SLC24A2: variants seen among roughly 807,000 people sequenced by gnomAD.
SLC24A2 encodes the protein solute carrier family 24 member 2, also known as sodium/potassium/calcium exchanger 2.
SLC24A2 carries 36 observed loss-of-function variants against 62.0 expected under a neutral mutation model. The observed-to-expected ratio is 0.58, with a 90% CI of 0.44 to 0.77. The LOEUF (loss-of-function observed/expected upper bound fraction) is 0.77. Ranked by LOEUF, SLC24A2 falls within the 30% of genes least tolerant of loss-of-function variation. SLC24A2 has a pLI of 0.00. For missense variants in SLC24A2, 846 were observed against 817.9 expected (o/e 1.03, Z -0.42); for synonymous variants, 358 against 294.0 (o/e 1.22, Z -2.23).
chr9:20,198,451 T>C, the SLC24A2 span, among the ~76,000 whole-genome samples: 1 of 152,176 alleles, frequency 6.6e-6, no homozygotes, highest in Non-Finnish European at 1.5e-5. Flanking sequence ...CAGACTGTAT[T>C]CGCCCTTTAA....
At chr9:19,955,495 G>C in the SLC24A2 span, among the ~76,000 whole-genome samples, 1 of 151,330 alleles carries the variant, frequency 6.6e-6, no homozygotes, top group Admixed American at 6.6e-5. Context: ...GATAATTTTA[G>C]ACTCTAAGAT....
intron 8 of SLC24A2, among the ~76,000 whole-genome samples, chr9:19,539,425 G>A (rs201478057): frequency 1.5e-4 from 23 of 151,538 alleles, no homozygotes; most frequent in East Asian, 5.8e-4. Flanking sequence ...CGCTGGTTTC[G>A]AAGAACATCT....
chr9:19,772,268 G>T (rs1822712222), intron 2 of SLC24A2, among the ~76,000 whole-genome samples: 1 of 152,088 alleles, frequency 6.6e-6, no homozygotes, highest in African/African-American at 2.4e-5. Flanking sequence ...TTAGCTTCAG[G>T]GGAACAATCT....
intron 2 of SLC24A2, among the ~76,000 whole-genome samples, chr9:19,737,520 C>T (rs966329479): frequency 1.1e-4 from 16 of 151,922 alleles, no homozygotes; most frequent in African/African-American, 3.9e-4. Context: ...TATCTCGTTA[C>T]AATAAGATAT....
At chr9:20,263,124 T>G in the SLC24A2 span, among the ~76,000 whole-genome samples, 3 of 152,226 alleles carry the variant, frequency 2.0e-5, no homozygotes, top group Admixed American at 6.5e-5. Flanking sequence ...CTAACCCATT[T>G]CAAAACTCAT....
the SLC24A2 span, among the ~76,000 whole-genome samples, chr9:19,971,580 T>C: frequency 3.9e-5 from 6 of 152,126 alleles, no homozygotes; most frequent in South Asian, 2.1e-4. Context: ...CAAGTAGAAA[T>C]TGAATCTGAC....
the SLC24A2 span, among the ~76,000 whole-genome samples, chr9:20,054,275 T>A: frequency 6.6e-6 from 1 of 152,172 alleles, no homozygotes; most frequent in African/African-American, 2.4e-5. Context: ...CACTGCAACC[T>A]CTGCCTCCTG....
the SLC24A2 span, among the ~76,000 whole-genome samples, chr9:19,910,783 CT>C: frequency 6.6e-6 from 1 of 152,034 alleles, no homozygotes; most frequent in Admixed American, 6.6e-5. Context: ...CCAGAGAATC[CT>C]TCCTGGAGGG....
At chr9:19,609,551 T>C (rs983539384) in intron 4 of SLC24A2, among the ~76,000 whole-genome samples, 1 of 152,268 alleles carries the variant, frequency 6.6e-6, no homozygotes, top group Non-Finnish European at 1.5e-5. Context: ...ATCTTTATAA[T>C]AGCATTTATT....
the SLC24A2 span, among the ~76,000 whole-genome samples, chr9:20,267,806 A>G: frequency 6.6e-6 from 1 of 152,242 alleles, no homozygotes; most frequent in African/African-American, 2.4e-5. Context: ...GTATCTATAA[A>G]GGGCCTGGTT....
At chr9:19,977,065 G>A in the SLC24A2 span, among the ~76,000 whole-genome samples, 1 of 151,652 alleles carries the variant, frequency 6.6e-6, no homozygotes, top group Non-Finnish European at 1.5e-5. Flanking sequence ...CATAAAATAA[G>A]TTTTTGTGAC....
chr9:19,520,039 T>C (rs1219201612), intron 10 of SLC24A2, among the ~76,000 whole-genome samples: 6 of 152,150 alleles, frequency 3.9e-5, no homozygotes, highest in African/African-American at 1.2e-4. Context: ...GAGAAAAACA[T>C]ACACACAGTG....
At chr9:20,259,578 G>C in the SLC24A2 span, among the ~76,000 whole-genome samples, 10 of 152,056 alleles carry the variant, frequency 6.6e-5, no homozygotes, top group African/African-American at 2.4e-4. Context: ...CCTACTGTTT[G>C]GGACAGAGTC....
At chr9:20,059,048 TATGAG>T in the SLC24A2 span, among the ~76,000 whole-genome samples, 1 of 152,226 alleles carries the variant, frequency 6.6e-6, no homozygotes, top group African/African-American at 2.4e-5. Flanking sequence ...ATATAGTTAA[TATGAG>T]AGGCTGAATA....
chr9:19,923,883 G>T, the SLC24A2 span, among the ~76,000 whole-genome samples: 2 of 152,160 alleles, frequency 1.3e-5, no homozygotes, highest in Non-Finnish European at 2.9e-5. Flanking sequence ...GAGTAGCTGG[G>T]ATTACAGGTG....
chr9:19,636,930 A>G (rs1818373475), intron 2 of SLC24A2, among the ~76,000 whole-genome samples: 1 of 152,210 alleles, frequency 6.6e-6, no homozygotes, highest in Non-Finnish European at 1.5e-5. Flanking sequence ...TAAGTCTTTC[A>G]AAATACCCTT....
At chr9:19,820,060 T>TATAC in the SLC24A2 span, among the ~76,000 whole-genome samples, 11 of 112,904 alleles carry the variant, frequency 9.7e-5, 2 homozygotes, top group African/African-American at 2.4e-4. Flanking sequence ...TATATACACA[T>TATAC]ATATATATAT....
In SLC24A2 at chr9:19,515,039, T is replaced by C. The variant is rs1368986613; in HGVS notation, c.*1114A>G. ...AGCACCTTTACTGGATGACTTCTTA[T>C]TGCACATCTAGGCTCTCTTGGCAGC... On this transcript the variant is annotated 3_prime_UTR_variant, in exon 11 of 11. Transcript: ENST00000341998. The C allele has an allele frequency of 6.6e-6, 1 of 152,214 alleles. No individual in the cohort carries two copies. Among genetic ancestry groups the C allele is most frequent in the Non-Finnish European group, 1.5e-5 (1 of 68,034 alleles). 9.4% of individuals were successfully genotyped at this position (152,214 alleles called of 1,614,324 possible). A position where few individuals can be genotyped will look rare whatever the true frequency, so the allele number is the denominator to read the frequency against.
At chr9:19,973,195 C>G in the SLC24A2 span, among the ~76,000 whole-genome samples, 1 of 152,136 alleles carries the variant, frequency 6.6e-6, no homozygotes, top group Non-Finnish European at 1.5e-5. Flanking sequence ...AAAACTAAAT[C>G]AAAATGATGC....
Sources: gnomAD v4.1 joint callset for allele counts (sites outside exome capture counted in the v4.1 genomes callset) on GRCh38, gnomAD v4.1.1 for gene constraint, MANE v1.5 for transcripts, NCBI Gene and HGNC (gene_info 2026-07-23, HGNC 2026-07-21) for gene names.